Variants in TSPEAR observed in about 807,000 individuals in gnomAD.
TSPEAR encodes thrombospondin-type laminin G domain and EAR repeat-containing protein.
A neutral mutation model predicts 71.6 loss-of-function variants in TSPEAR; 69 were observed. The observed-to-expected ratio is 0.96, with a 90% CI of 0.79 to 1.18. The LOEUF is 1.18. Among genes scored for constraint, TSPEAR ranks in the 50% most tolerant of loss-of-function variants. The pLI, the probability that TSPEAR is intolerant of heterozygous loss-of-function variation, is 0.00. For synonymous variants in TSPEAR, 402 were observed against 387.2 expected, an observed-to-expected ratio of 1.04 and a Z score of -0.45; for missense variants, 971 against 894.9, an observed-to-expected ratio of 1.09 and a Z score of -1.09.
Position 44,521,870 on chromosome 21 carries a change from CG to C in TSPEAR, c.1566+12del, listed in dbSNP as rs782392038. On this transcript the variant is annotated intron_variant, in intron 9 of 11. Coordinates refer to ENST00000323084, the MANE Select transcript of TSPEAR (RefSeq NM_144991.3). ...CAGCAATGGAGAGCCGGGGCTCATG[CG>C]GGGGGCCTTACCGGGAAGGACTGGA... 6 of 1,610,416 alleles carry C rather than the reference CG, an allele frequency of 3.7e-6. No homozygotes were observed. In the Admixed American group the frequency reaches 6.7e-5, roughly 18 times the overall value.
intron 2 of TSPEAR, among the ~76,000 whole-genome samples, chr21:44,551,823 T>C (rs1418749722): frequency 1.3e-5 from 2 of 152,264 alleles, no homozygotes; most frequent in East Asian, 3.9e-4. Flanking sequence ...CCCGTGACTG[T>C]GCCCAGCGTG....
In TSPEAR at chr21:44,681,775, G is replaced by T; in HGVS notation, c.82+29658C>A. On this transcript the variant is annotated intron_variant, in intron 1 of 11. Transcript: ENST00000323084. Reference sequence around the variant, plus strand: ...AGAAGACCAACTGAGGACTCATCCAGGGAGTGTACAGGTGTGGCCTCATCT... The same window carrying T: ...AGAAGACCAACTGAGGACTCATCCATGGAGTGTACAGGTGTGGCCTCATCT... 1.9e-6 allele frequency: 3 copies of T among 1,554,990 alleles called. No homozygotes were observed. The South Asian group carries it at 3.7e-5, about 19-fold the overall frequency.
chr21:44,601,893 C>A, intron 1 of TSPEAR: 3 of 1,040,164 alleles, frequency 2.9e-6, no homozygotes, highest in Non-Finnish European at 4.1e-6. Context: ...CTAGAAGCAG[C>A]TCAGCTGTTT....
At chr21:44,659,676 A>G (rs1198296620) in intron 1 of TSPEAR, among the ~76,000 whole-genome samples, 1 of 152,204 alleles carries the variant, frequency 6.6e-6, no homozygotes, top group African/African-American at 2.4e-5. Flanking sequence ...ACCCCAGCAC[A>G]TTGGGAGGCT....
At chr21:44,517,561 G>T (rs782164589) in intron 9 of TSPEAR, 18 of 350,174 alleles carry the variant, frequency 5.1e-5, no homozygotes, top group Non-Finnish European at 1.0e-4. Flanking sequence ...CATGTGACTG[G>T]CACTGGCCCA....
intron 9 of TSPEAR, chr21:44,518,785 C>T (rs2052667714): frequency 4.5e-6 from 2 of 440,306 alleles, no homozygotes; most frequent in South Asian, 3.3e-5. Flanking sequence ...CAAATCCCTT[C>T]CTGGTTCTGG....
At position 44,655,406 on chromosome 21, in the gene TSPEAR, G is replaced by A. The variant is rs868941440; in HGVS notation, c.82+56027C>T. On this transcript the variant is annotated intron_variant, in intron 1 of 11. Transcript: ENST00000323084. ...GAAGATGGACGAAAACATCAGCCACGTTGGCGTCTGCAGAGCATGGCTCAG... is the reference window on the plus strand; with the variant it reads ...GAAGATGGACGAAAACATCAGCCACATTGGCGTCTGCAGAGCATGGCTCAG... Among the ~76,000 whole-genome samples the A allele has an allele frequency of 1.6e-4, 25 of 152,312 alleles. No homozygotes were observed. In the South Asian group the frequency reaches 2.3e-3, roughly 14 times the overall value.
chr21:44,511,421 C>A (rs587635043), intron 9 of TSPEAR, among the ~76,000 whole-genome samples: 1 of 152,352 alleles, frequency 6.6e-6, no homozygotes, highest in African/African-American at 2.4e-5. Context: ...TGCCTGTACA[C>A]ATGTGGATAC....
intron 1 of TSPEAR, among the ~76,000 whole-genome samples, chr21:44,599,132 TTTTC>T (rs1555928009): frequency 0.018 from 133 of 7,580 alleles, 1 homozygote; most frequent in African/African-American, 0.027. Flanking sequence ...GAGGCCCCCA[TTTTC>T]TCTCTCTCTC....
Position 44,528,432 on chromosome 21 carries a change from C to A in TSPEAR, c.922+20G>T. ...AGAGTGGCCCTGCATGCCAACGCCC[C>A]GGGTGCAGGGCTGCCTCACCTGCTA... On this transcript the variant is annotated intron_variant, in intron 6 of 11. Coordinates refer to ENST00000323084, the MANE Select transcript of TSPEAR (RefSeq NM_144991.3). 1.2e-6 allele frequency: 2 copies of A among 1,613,228 alleles called. No homozygotes were observed. Among genetic ancestry groups the A allele is most frequent in the Non-Finnish European group, 1.7e-6 (2 of 1,179,748 alleles).
At chr21:44,662,235 T>C (rs1555943821) in intron 1 of TSPEAR, among the ~76,000 whole-genome samples, 1 of 152,176 alleles carries the variant, frequency 6.6e-6, no homozygotes, top group East Asian at 1.9e-4. Context: ...AACTATATTC[T>C]ATCTACCAGA....
At chr21:44,640,343 A>G (rs1200315097) in intron 1 of TSPEAR, among the ~76,000 whole-genome samples, 1 of 152,222 alleles carries the variant, frequency 6.6e-6, no homozygotes, top group African/African-American at 2.4e-5. Context: ...GAACAGGCAA[A>G]TCCGCAGAGA....
chr21:44,700,138 G>A (rs1987582086), intron 1 of TSPEAR, among the ~76,000 whole-genome samples: 1 of 152,046 alleles, frequency 6.6e-6, no homozygotes, highest in African/African-American at 2.4e-5. Context: ...AATTTTTTTT[G>A]GAAGAAAGCA....
intron 1 of TSPEAR, among the ~76,000 whole-genome samples, chr21:44,624,516 G>A (rs1364475165): frequency 1.3e-5 from 2 of 152,192 alleles, no homozygotes; most frequent in Non-Finnish European, 2.9e-5. Flanking sequence ...GCTGTCTCCA[G>A]AAGAGATCAC....
rs782113172 is a variant in TSPEAR at position 44,657,952 on chromosome 21, C to T, written c.82+53481G>A. ...GCTTCCAGACATCACCATCCTCCTC[C>T]CCAGTACCAGCCCAGCCACACGCCA... is the stretch of plus-strand genomic sequence containing the variant. On this transcript the variant is annotated intron_variant, in intron 1 of 11. Transcript: ENST00000323084. 5.0e-6 allele frequency: 8 copies of T among 1,604,834 alleles called. No homozygotes were observed. In the East Asian group the frequency reaches 1.6e-4, roughly 31 times the overall value.
intron 1 of TSPEAR, among the ~76,000 whole-genome samples, chr21:44,626,651 G>A (rs374796428): frequency 6.6e-6 from 1 of 152,166 alleles, no homozygotes; most frequent in Non-Finnish European, 1.5e-5. Context: ...AGAAATTGGC[G>A]AGTCCTGTGT....
At chr21:44,682,511 CCAGAAA>C (rs1986655398) in intron 1 of TSPEAR, among the ~76,000 whole-genome samples, 1 of 152,180 alleles carries the variant, frequency 6.6e-6, no homozygotes, top group Non-Finnish European at 1.5e-5. Context: ...GTTGCATCAA[CCAGAAA>C]CTTTGGGGAA....
chr21:44,707,243 C>G (rs1301604025), intron 1 of TSPEAR, among the ~76,000 whole-genome samples: 1 of 152,178 alleles, frequency 6.6e-6, no homozygotes, highest in Non-Finnish European at 1.5e-5. Flanking sequence ...TCCACCCCTG[C>G]CCCCACCGCA....
intron 1 of TSPEAR, chr21:44,666,951 C>T (rs2329842): frequency 0.68 from 1,044,354 of 1,543,258 alleles, 355,594 homozygotes; most frequent in African/African-American, 0.82. Context: ...CCTCCCTGGG[C>T]AGCCTTTATA....
Sources: allele counts gnomAD v4.1 joint callset (sites outside exome capture counted in the v4.1 genomes callset), GRCh38; gene constraint gnomAD v4.1.1; transcripts MANE v1.5; gene names NCBI Gene and HGNC (gene_info 2026-07-23, HGNC 2026-07-21).